Variants in SCAPER observed in about 807,000 individuals in gnomAD.
SCAPER encodes the protein S-phase cyclin A associated protein in the ER.
SCAPER carries 98 observed loss-of-function variants against 182.2 expected under a neutral mutation model. The ratio of observed to expected loss-of-function variants is 0.54; its 90% CI spans 0.46 to 0.64. The LOEUF is 0.64. SCAPER is among the 30% of genes least tolerant of loss of function. The probability of loss-of-function intolerance (pLI) is 0.00; values close to 1 mark genes in which losing one functional copy is unlikely to be tolerated. For missense variants in SCAPER, 1,432 were observed against 1,690.0 expected (o/e 0.85, Z 2.68); for synonymous variants, 605 against 564.6 (o/e 1.07, Z -1.01).
chr15:76,757,014 CCCCA>C (rs56022513), intron 14 of SCAPER, among the ~76,000 whole-genome samples: 148,892 of 152,168 alleles, frequency 0.98, 72,918 homozygotes, highest in South Asian at 1. Flanking sequence ...ATAATTAGTG[CCCCA>C]CCCACTTACC....
At chr15:76,888,960 C>A (rs1227183220) in intron 1 of SCAPER, among the ~76,000 whole-genome samples, 3 of 152,214 alleles carry the variant, frequency 2.0e-5, no homozygotes, top group Non-Finnish European at 4.4e-5. Flanking sequence ...GGAAGCCCAT[C>A]AGACCAACAG....
chr15:76,511,210 C>T (rs2042000913), intron 23 of SCAPER, among the ~76,000 whole-genome samples: 1 of 152,050 alleles, frequency 6.6e-6, no homozygotes, highest in Non-Finnish European at 1.5e-5. Flanking sequence ...TAAGAACTTA[C>T]TCATGTAACC....
rs1311760663 is a variant in SCAPER, at chr15:76,816,353, T to C, written c.394-11720A>G. Among the ~76,000 whole-genome samples the C allele has an allele frequency of 1.3e-5, 2 of 152,240 alleles. 1 individual carries two copies. Among genetic ancestry groups the C allele is most frequent in the East Asian group, 3.9e-4 (2 of 5,182 alleles). Reference sequence around the variant, plus strand: ...ACCTCATTCTATAAGCTTTTTCCTATCTAACATTTTTTTTCCTTTTTAACT... The same window carrying C: ...ACCTCATTCTATAAGCTTTTTCCTACCTAACATTTTTTTTCCTTTTTAACT... On this transcript the variant is annotated intron_variant, in intron 5 of 31. Transcript: ENST00000563290.
At chr15:76,663,280 T>A (rs77945944) in intron 21 of SCAPER, among the ~76,000 whole-genome samples, 1,813 of 152,238 alleles carry the variant, frequency 0.012, 23 homozygotes, top group African/African-American at 0.04. Context: ...AAACTAGTAA[T>A]ACCAAATATT....
intron 4 of SCAPER, among the ~76,000 whole-genome samples, chr15:76,855,538 A>T (rs2151852551): frequency 6.6e-6 from 1 of 152,128 alleles, no homozygotes; most frequent in South Asian, 2.1e-4. Context: ...CAGAGGTTTA[A>T]TATCTGGCAT....
chr15:76,680,126 C>G (rs1311740903), intron 20 of SCAPER, among the ~76,000 whole-genome samples: 1 of 152,074 alleles, frequency 6.6e-6, no homozygotes, highest in Non-Finnish European at 1.5e-5. Flanking sequence ...AGATAATGCT[C>G]AGAGCCAGAA....
At chr15:76,466,226 C>T (rs373593347) in intron 25 of SCAPER, among the ~76,000 whole-genome samples, 2 of 151,576 alleles carry the variant, frequency 1.3e-5, no homozygotes, top group Non-Finnish European at 2.9e-5. Context: ...TGATGGTATG[C>T]CACAAATCCC....
chr15:76,688,147 G>T (rs2058136858), intron 20 of SCAPER, among the ~76,000 whole-genome samples: 1 of 152,144 alleles, frequency 6.6e-6, no homozygotes, highest in African/African-American at 2.4e-5. Context: ...GGCGTGAGAT[G>T]GGATCTCACT....
intron 5 of SCAPER, among the ~76,000 whole-genome samples, chr15:76,824,721 A>C (rs79446071): frequency 6.6e-6 from 1 of 151,872 alleles, no homozygotes; most frequent in Non-Finnish European, 1.5e-5. Context: ...TCAATCACTC[A>C]TTTTTTTAAA....
rs2145728094 is a variant in SCAPER, at chr15:76,595,822, A to C, written c.2712-21538T>G. 1.6e-5 allele frequency among the ~76,000 whole-genome samples: 2 copies of C among 122,668 alleles called. 1 individual carries two copies. Among genetic ancestry groups the C allele is most frequent in the East Asian group, 4.4e-4 (2 of 4,574 alleles). The allele number at this position is 122,668 out of a possible 152,430, so 80.5% of individuals were successfully genotyped here. On this transcript the variant is annotated intron_variant, in intron 22 of 31. Transcript: ENST00000563290. ...GGGACACTGCCAAAGCAGAGTTTAG[A>C]GGGAAATTTATAGCACTAAATGCCC...
At chr15:76,740,943 AG>A (rs1445190964) in intron 15 of SCAPER, among the ~76,000 whole-genome samples, 1 of 152,154 alleles carries the variant, frequency 6.6e-6, no homozygotes, top group African/African-American at 2.4e-5. Flanking sequence ...CTTTTTAGCA[AG>A]GGTTCCCTAA....
chr15:76,455,598 C>T (rs1425348321), intron 25 of SCAPER, among the ~76,000 whole-genome samples: 1 of 152,168 alleles, frequency 6.6e-6, no homozygotes, highest in Non-Finnish European at 1.5e-5. Flanking sequence ...TCTCAGCCTT[C>T]TGAGAAGCTG....
At chr15:76,777,596 A>T (rs2063822565) in intron 8 of SCAPER, among the ~76,000 whole-genome samples, 1 of 152,196 alleles carries the variant, frequency 6.6e-6, no homozygotes, top group African/African-American at 2.4e-5. Flanking sequence ...TGGGAGACTG[A>T]GACAGAAGAA....
At chr15:76,459,961 T>A (rs757949132) in intron 25 of SCAPER, among the ~76,000 whole-genome samples, 6 of 152,182 alleles carry the variant, frequency 3.9e-5, no homozygotes, top group Non-Finnish European at 5.9e-5. Flanking sequence ...TGGCATCTTG[T>A]CAAAAATCAG....
intron 17 of SCAPER, among the ~76,000 whole-genome samples, chr15:76,714,074 A>G (rs1338068694): frequency 1.3e-5 from 2 of 152,196 alleles, no homozygotes; most frequent in Non-Finnish European, 2.9e-5. Flanking sequence ...AGCAAGCCAC[A>G]GATACACACA....
Position 76,413,891 on chromosome 15 carries a change from T to G in SCAPER, c.3312-9212A>C, listed in dbSNP as rs1390695963. 4.6e-5 allele frequency among the ~76,000 whole-genome samples: 7 copies of G among 152,070 alleles called. 1 individual carries two copies. Among genetic ancestry groups the G allele is most frequent in the Non-Finnish European group, 1.5e-5 (1 of 68,024 alleles). On this transcript the variant is annotated intron_variant, in intron 26 of 31. Coordinates refer to ENST00000563290, the MANE Select transcript of SCAPER (RefSeq NM_020843.4). ...GAGGTCCCTTGTCTCTGACTAGGAGTCTTGTATCTTTTGCCAGCATCCATG... is the reference window on the plus strand; with the variant it reads ...GAGGTCCCTTGTCTCTGACTAGGAGGCTTGTATCTTTTGCCAGCATCCATG...
intron 4 of SCAPER, among the ~76,000 whole-genome samples, chr15:76,853,805 A>C (rs2071036869): frequency 6.6e-6 from 1 of 152,216 alleles, no homozygotes; most frequent in Non-Finnish European, 1.5e-5. Context: ...CAGTATTGGA[A>C]GTCCTGGCAA....
intron 29 of SCAPER, among the ~76,000 whole-genome samples, chr15:76,358,813 G>C (rs2041188065): frequency 6.6e-6 from 1 of 152,178 alleles, no homozygotes; most frequent in Non-Finnish European, 1.5e-5. Context: ...CCATTAGAAA[G>C]GCTACCATCT....
chr15:76,875,827 C>G (rs2073101843), intron 2 of SCAPER, among the ~76,000 whole-genome samples: 1 of 152,156 alleles, frequency 6.6e-6, no homozygotes, highest in Non-Finnish European at 1.5e-5. Context: ...AGTGTGGACC[C>G]AAAGAGTGAG....
Sources: gnomAD v4.1 joint callset for allele counts (sites outside exome capture counted in the v4.1 genomes callset) on GRCh38, gnomAD v4.1.1 for gene constraint, MANE v1.5 for transcripts, NCBI Gene and HGNC (gene_info 2026-07-23, HGNC 2026-07-21) for gene names.